Variants in PDE4D observed in about 807,000 individuals in gnomAD.
PDE4D encodes phosphodiesterase 4D.
Under a neutral mutation model 87.4 loss-of-function variants are expected in PDE4D, and 24 were observed. The observed-to-expected ratio is 0.27, with a 90% CI of 0.20 to 0.39. The LOEUF (loss-of-function observed/expected upper bound fraction) is 0.39. Among genes scored for constraint, PDE4D ranks in the 10% least tolerant of loss-of-function variants. The pLI, the probability that PDE4D is intolerant of heterozygous loss-of-function variation, is 1.00. For synonymous variants in PDE4D, 384 were observed against 383.2 expected (o/e 1.00, Z -0.02); for missense variants, 714 against 1,041.0 (o/e 0.69, Z 4.32).
At chr5:60,369,785 G>A (rs1760861779) in intron 1 of PDE4D, among the ~76,000 whole-genome samples, 1 of 152,116 alleles carries the variant, frequency 6.6e-6, no homozygotes, top group African/African-American at 2.4e-5. Flanking sequence ...ACTAAGTGTG[G>A]GGTCTGCAGG....
At chr5:60,214,531 TA>T (rs981936400) in intron 1 of PDE4D, among the ~76,000 whole-genome samples, 1 of 152,294 alleles carries the variant, frequency 6.6e-6, no homozygotes. Flanking sequence ...AACTACTAGA[TA>T]CCAATTTAAT....
At chr5:59,685,652 C>A (rs966844713) in intron 1 of PDE4D, among the ~76,000 whole-genome samples, 2 of 152,074 alleles carry the variant, frequency 1.3e-5, no homozygotes, top group African/African-American at 4.8e-5. Flanking sequence ...ACTACTCTGC[C>A]TTCTATTGAC....
chr5:59,718,315 C>G (rs1561533482), intron 1 of PDE4D, among the ~76,000 whole-genome samples: 1 of 152,152 alleles, frequency 6.6e-6, no homozygotes, highest in Non-Finnish European at 1.5e-5. Flanking sequence ...TTAATTATGT[C>G]AGCTTGAACC....
chr5:59,506,161 TGC>T (rs1809221837), intron 1 of PDE4D, among the ~76,000 whole-genome samples: 1 of 152,164 alleles, frequency 6.6e-6, no homozygotes, highest in South Asian at 2.1e-4. Context: ...AACATTGATT[TGC>T]TAAATTAATA....
chr5:60,281,117 C>T (rs763827201), intron 1 of PDE4D, among the ~76,000 whole-genome samples: 1 of 152,058 alleles, frequency 6.6e-6, no homozygotes, highest in Admixed American at 6.6e-5. Flanking sequence ...CTACCCCTCC[C>T]TCTCTCTCTA....
At chr5:59,421,387 T>C (rs1794462955) in intron 1 of PDE4D, among the ~76,000 whole-genome samples, 1 of 152,134 alleles carries the variant, frequency 6.6e-6, no homozygotes, top group Admixed American at 6.6e-5. Context: ...GTGGATTATA[T>C]GAAAACCAGC....
chr5:60,375,746 A>G (rs546396135), intron 1 of PDE4D, among the ~76,000 whole-genome samples: 1 of 152,312 alleles, frequency 6.6e-6, no homozygotes, highest in South Asian at 2.1e-4. Context: ...CATTTCTTTT[A>G]TAATATACTA....
At chr5:59,248,644 C>T (rs979668515) in intron 1 of PDE4D, among the ~76,000 whole-genome samples, 15 of 152,016 alleles carry the variant, frequency 9.9e-5, no homozygotes, top group Admixed American at 9.8e-4. Context: ...GTATGTTTCT[C>T]TCAATGGGTT....
At chr5:60,028,654 T>G (rs1464897666) in intron 2 of PDE4D, among the ~76,000 whole-genome samples, 1 of 152,184 alleles carries the variant, frequency 6.6e-6, no homozygotes, top group Non-Finnish European at 1.5e-5. Flanking sequence ...ATTCCTAGTT[T>G]ACATTCCTCA....
At chr5:59,422,007 C>G (rs1306604773) in intron 1 of PDE4D, among the ~76,000 whole-genome samples, 1 of 151,850 alleles carries the variant, frequency 6.6e-6, no homozygotes, top group Admixed American at 6.6e-5. Context: ...AGCCCTTAGG[C>G]CAATAAAATA....
At chr5:59,072,278 A>C (rs1236945295) in intron 5 of PDE4D, among the ~76,000 whole-genome samples, 1 of 152,182 alleles carries the variant, frequency 6.6e-6, no homozygotes, top group Non-Finnish European at 1.5e-5. Context: ...AGAAGGCTTA[A>C]GCATAGTTGG....
At chr5:59,778,063 C>T (rs1581062348) in intron 1 of PDE4D, among the ~76,000 whole-genome samples, 1 of 152,156 alleles carries the variant, frequency 6.6e-6, no homozygotes. Context: ...AATTATTCTA[C>T]AAGCATTTAA....
At chr5:60,506,529 A>C (rs1285142361) in intron 1 of PDE4D, among the ~76,000 whole-genome samples, 1 of 152,214 alleles carries the variant, frequency 6.6e-6, no homozygotes, top group Non-Finnish European at 1.5e-5. Flanking sequence ...CTGAATAGCA[A>C]AAATTATATT....
At chr5:60,357,650 G>C (rs1464717138) in intron 1 of PDE4D, among the ~76,000 whole-genome samples, 1 of 152,040 alleles carries the variant, frequency 6.6e-6, no homozygotes, top group Non-Finnish European at 1.5e-5. Flanking sequence ...TCTCAGTAAA[G>C]TTGAGAACAA....
chr5:59,043,514 C>A (rs986618498), intron 5 of PDE4D, among the ~76,000 whole-genome samples: 12 of 149,344 alleles, frequency 8.0e-5, no homozygotes, highest in African/African-American at 2.7e-4. Context: ...CAGCAGAAGA[C>A]TCCGACTCAA....
At chr5:60,401,035 G>A (rs1741033617) in intron 1 of PDE4D, among the ~76,000 whole-genome samples, 1 of 152,208 alleles carries the variant, frequency 6.6e-6, no homozygotes, top group East Asian at 1.9e-4. Flanking sequence ...GCAAACAGGG[G>A]TACTGTTTAC....
At chr5:59,581,851 T>C (rs1340082551) in intron 1 of PDE4D, among the ~76,000 whole-genome samples, 1 of 152,180 alleles carries the variant, frequency 6.6e-6, no homozygotes, top group Non-Finnish European at 1.5e-5. Context: ...AAAAGTTTTA[T>C]GTTTAATAGG....
intron 5 of PDE4D, among the ~76,000 whole-genome samples, chr5:59,141,400 G>T (rs1321842683): frequency 6.6e-6 from 1 of 152,086 alleles, no homozygotes; most frequent in Non-Finnish European, 1.5e-5. Flanking sequence ...TTTTTCCAGG[G>T]GCATGCAGTC....
chr5:59,059,383 G>C (rs1762806040), intron 5 of PDE4D, among the ~76,000 whole-genome samples: 1 of 152,094 alleles, frequency 6.6e-6, no homozygotes, highest in Non-Finnish European at 1.5e-5. Context: ...CTCCCTATTT[G>C]TAGCTATCAA....
Sources: gnomAD v4.1 joint callset for allele counts (sites outside exome capture counted in the v4.1 genomes callset) on GRCh38, gnomAD v4.1.1 for gene constraint, MANE v1.5 for transcripts, NCBI Gene and HGNC (gene_info 2026-07-23, HGNC 2026-07-21) for gene names.